ZNF627: variants seen among roughly 807,000 people sequenced by gnomAD.
The protein encoded by ZNF627 is zinc finger protein 627.
A neutral mutation model predicts 10.6 loss-of-function variants in ZNF627; 12 were observed. The observed-to-expected ratio is 1.13, with a 90% confidence interval of 0.73 to 1.84. The LOEUF is 1.84. Among genes scored for constraint, ZNF627 ranks in the 40% most tolerant of loss-of-function variants. ZNF627 has a pLI of 0.00. For missense variants in ZNF627, 504 were observed against 568.4 expected, an observed-to-expected ratio of 0.89 and a Z score of 1.15; for synonymous variants, 176 against 187.1, an observed-to-expected ratio of 0.94 and a Z score of 0.48.
chr19:11,612,448 G>C (rs1973788596), intron 1 of ZNF627, among the ~76,000 whole-genome samples: 1 of 71,692 alleles, frequency 1.4e-5, no homozygotes, highest in African/African-American at 5.8e-5. Flanking sequence ...TTTTGAGACA[G>C]AGTCTCACTG....
intron 1 of ZNF627, among the ~76,000 whole-genome samples, chr19:11,610,769 C>T (rs533995856): frequency 2.0e-4 from 30 of 152,240 alleles, no homozygotes; most frequent in African/African-American, 6.5e-4. Context: ...ACTTATGGAG[C>T]GCCTTTCTGT....
At chr19:11,601,787 C>T (rs575202303) in intron 1 of ZNF627, among the ~76,000 whole-genome samples, 29 of 151,750 alleles carry the variant, frequency 1.9e-4, no homozygotes, top group Admixed American at 6.6e-4. Context: ...GTGGGTGGAT[C>T]ACAATGTTAG....
At chr19:11,611,522 GGT>G (rs1413593842) in intron 1 of ZNF627, among the ~76,000 whole-genome samples, 1 of 152,020 alleles carries the variant, frequency 6.6e-6, no homozygotes, top group African/African-American at 2.4e-5. Context: ...ACCATGTTCT[GGT>G]GTTTTATCCA....
At chr19:11,609,531 C>G (rs1973736454) in intron 1 of ZNF627, among the ~76,000 whole-genome samples, 1 of 111,972 alleles carries the variant, frequency 8.9e-6, no homozygotes, top group African/African-American at 2.9e-5. Flanking sequence ...ATTTTTTCCC[C>G]CCCGAGACTG....
At chr19:11,608,873 T>G (rs574215622) in intron 1 of ZNF627, among the ~76,000 whole-genome samples, 109 of 152,074 alleles carry the variant, frequency 7.2e-4, no homozygotes, top group Middle Eastern at 3.4e-3. Context: ...AATAACTTAT[T>G]ATTATTATTA....
chr19:11,603,009 TC>T lies in ZNF627; in HGVS notation c.3+5380del, dbSNP rs570186895. Among the ~76,000 whole-genome samples, 196 of 152,352 alleles carry T rather than the reference TC, an allele frequency of 1.3e-3. 3 individuals are homozygous for T. Among genetic ancestry groups the T allele is most frequent in the Admixed American group, 0.012 (184 of 15,296 alleles). Reference sequence around the variant, plus strand: ...GTCCTCATTTTTAAAAGGTGGTTCTTCATAGTTTTACCATCTATTTATCATT... The same window carrying T: ...GTCCTCATTTTTAAAAGGTGGTTCTTATAGTTTTACCATCTATTTATCATT... On this transcript the variant is annotated intron_variant, in intron 1 of 3. Transcript: ENST00000361113.
intron 1 of ZNF627, among the ~76,000 whole-genome samples, chr19:11,607,376 T>A (rs1269363851): frequency 6.6e-6 from 1 of 152,168 alleles, no homozygotes; most frequent in East Asian, 1.9e-4. Flanking sequence ...CCTCAGGTTA[T>A]CCGCCTGCCT....
At chr19:11,604,701 A>C (rs1179645748) in intron 1 of ZNF627, among the ~76,000 whole-genome samples, 3 of 152,180 alleles carry the variant, frequency 2.0e-5, no homozygotes, top group African/African-American at 7.2e-5. Context: ...TGTTAAAGAG[A>C]GATTGCACTG....
chr19:11,607,480 T>A (rs543680087), intron 1 of ZNF627, among the ~76,000 whole-genome samples: 1 of 152,264 alleles, frequency 6.6e-6, no homozygotes, highest in East Asian at 1.9e-4. Context: ...TTTTCCAAAC[T>A]TTAATGTTCT....
At chr19:11,609,522 T>TATATATG (rs377174587) in intron 1 of ZNF627, among the ~76,000 whole-genome samples, 5 of 116,466 alleles carry the variant, frequency 4.3e-5, no homozygotes, top group Admixed American at 9.3e-5. Flanking sequence ...TATATATGTA[T>TATATATG]TTTTTCCCCC....
chr19:11,599,703 C>T (rs560525376), intron 1 of ZNF627, among the ~76,000 whole-genome samples: 4 of 151,986 alleles, frequency 2.6e-5, no homozygotes, highest in Non-Finnish European at 4.4e-5. Context: ...GCCATGAGTT[C>T]GAGACCAGCC....
chr19:11,615,961 C>T (rs1169747897), intron 3 of ZNF627, among the ~76,000 whole-genome samples: 1 of 151,430 alleles, frequency 6.6e-6, no homozygotes, highest in East Asian at 2.0e-4. Context: ...TCAGGTGATC[C>T]ACCTGCCTCA....
At chr19:11,614,380 C>A in intron 1 of ZNF627, 147 bp from the exon 2 acceptor site, 1 of 1,308,680 alleles carries the variant, frequency 7.6e-7, no homozygotes, top group Non-Finnish European at 1.0e-6. Flanking sequence ...GGAAGTGAGT[C>A]TAGACAGAGG....
chr19:11,599,799 G>T (rs547964975), intron 1 of ZNF627, among the ~76,000 whole-genome samples: 3 of 152,016 alleles, frequency 2.0e-5, no homozygotes, highest in Admixed American at 1.3e-4. Context: ...CTCAGCTACT[G>T]GGGAGGCTGA....
At chr19:11,612,826 G>A (rs1421288679) in intron 1 of ZNF627, among the ~76,000 whole-genome samples, 1 of 151,274 alleles carries the variant, frequency 6.6e-6, no homozygotes, top group Non-Finnish European at 1.5e-5. Flanking sequence ...TTGTTACATG[G>A]GTAAATTGCG....
At chr19:11,598,805 A>G (rs779923510) in intron 1 of ZNF627, among the ~76,000 whole-genome samples, 6 of 152,170 alleles carry the variant, frequency 3.9e-5, no homozygotes, top group Non-Finnish European at 7.4e-5. Flanking sequence ...AAAGCAGAGA[A>G]TACATGTATG....
At chr19:11,601,919 T>G (rs941856814) in intron 1 of ZNF627, among the ~76,000 whole-genome samples, 2 of 145,758 alleles carry the variant, frequency 1.4e-5, no homozygotes, top group East Asian at 2.0e-4. Flanking sequence ...GGCAGGAGAA[T>G]CGCTTGAACT....
At chr19:11,615,091 C>T (rs926772303) in intron 3 of ZNF627, among the ~76,000 whole-genome samples, 2 of 151,536 alleles carry the variant, frequency 1.3e-5, no homozygotes, top group Non-Finnish European at 2.9e-5. Context: ...GGACTACAGG[C>T]ACGTGCCACC....
chr19:11,616,662 C>T (rs767151297), intron 3 of ZNF627, 33 bp from the exon 4 acceptor site: 2 of 1,380,518 alleles, frequency 1.4e-6, no homozygotes, highest in Non-Finnish European at 2.0e-6. Flanking sequence ...ATAAACAAAA[C>T]ATTAATAATG....
Sources: gnomAD v4.1 joint callset for allele counts (sites outside exome capture counted in the v4.1 genomes callset) on GRCh38, gnomAD v4.1.1 for gene constraint, MANE v1.5 for transcripts, NCBI Gene and HGNC (gene_info 2026-07-23, HGNC 2026-07-21) for gene names.